GRIK1: variants seen among roughly 807,000 people sequenced by gnomAD.
The protein encoded by GRIK1 is glutamate receptor ionotropic, kainate 1.
A neutral mutation model predicts 105.7 loss-of-function variants in GRIK1; 69 were observed. That is an observed-to-expected ratio of 0.65 (90% CI 0.54 to 0.80). GRIK1 has a LOEUF of 0.80. GRIK1 is among the 30% of genes least tolerant of loss of function. The pLI is 0.00. For synonymous variants in GRIK1, 438 were observed against 431.3 expected (o/e 1.02, Z -0.19); for missense variants, 1,109 against 1,167.3 (o/e 0.95, Z 0.73).
rs530208679 is a variant in GRIK1 at position 29,895,382 on chromosome 21, C to T, written c.118+44001G>A. On this transcript the variant is annotated intron_variant, in intron 1 of 17. Transcript: ENST00000327783. ...AATCCTTGAGAATCACACCTTTTAA[C>T]TCACAGTTCATTGCACTTTCCCCCT... Among the ~76,000 whole-genome samples, 4 of 152,318 alleles carry T rather than the reference C, an allele frequency of 2.6e-5. No individual in the cohort carries two copies. The South Asian group carries it at 8.3e-4, about 32-fold the overall frequency.
intron 1 of GRIK1, among the ~76,000 whole-genome samples, chr21:29,931,166 T>C (rs997253803): frequency 1.3e-5 from 2 of 152,200 alleles, no homozygotes; most frequent in African/African-American, 4.8e-5. Flanking sequence ...TCAGTCTTTA[T>C]TCAGAGTCCT....
At chr21:29,689,658 C>A in intron 3 of GRIK1, 70 bp downstream of exon 3, 2 of 1,373,772 alleles carry the variant, frequency 1.5e-6, no homozygotes, top group Non-Finnish European at 2.1e-6. Flanking sequence ...AGTTTAATGA[C>A]TATTTGATAC....
chr21:29,830,215 G>A (rs1409540393), intron 1 of GRIK1, among the ~76,000 whole-genome samples: 1 of 151,980 alleles, frequency 6.6e-6, no homozygotes, highest in African/African-American at 2.4e-5. Context: ...GTTTGTATGT[G>A]TGTGAGAGTG....
At chr21:29,638,566 T>C (rs550769306) in intron 7 of GRIK1, among the ~76,000 whole-genome samples, 1 of 152,350 alleles carries the variant, frequency 6.6e-6, no homozygotes, top group South Asian at 2.1e-4. Context: ...TACTTTGTGA[T>C]GTTAGAATAT....
At chr21:29,723,687 T>C (rs1382114196) in intron 1 of GRIK1, among the ~76,000 whole-genome samples, 1 of 152,208 alleles carries the variant, frequency 6.6e-6, no homozygotes, top group African/African-American at 2.4e-5. Context: ...TCACAATTAA[T>C]GCATATGGAA....
chr21:29,584,558 G>A (rs1039829862), intron 12 of GRIK1, among the ~76,000 whole-genome samples: 1 of 152,082 alleles, frequency 6.6e-6, no homozygotes, highest in African/African-American at 2.4e-5. Context: ...TTGTCCCACC[G>A]ATGTCTACAT....
chr21:29,895,067 G>A (rs2070080575), intron 1 of GRIK1, among the ~76,000 whole-genome samples: 1 of 152,134 alleles, frequency 6.6e-6, no homozygotes, highest in African/African-American at 2.4e-5. Flanking sequence ...TAGTGGTGGT[G>A]GCAGGGGGCT....
chr21:29,804,981 C>A (rs955029332), intron 1 of GRIK1, among the ~76,000 whole-genome samples: 5 of 152,092 alleles, frequency 3.3e-5, no homozygotes, highest in African/African-American at 1.2e-4. Flanking sequence ...CTCTTAAAGG[C>A]AAGCTGATGT....
At chr21:29,822,067 T>C (rs1020315224) in intron 1 of GRIK1, among the ~76,000 whole-genome samples, 11 of 152,200 alleles carry the variant, frequency 7.2e-5, no homozygotes, top group Non-Finnish European at 1.6e-4. Flanking sequence ...AGGTAGTTTT[T>C]AAAATTTGAG....
At chr21:29,765,857 C>CTT (rs113142690) in intron 1 of GRIK1, among the ~76,000 whole-genome samples, 20,368 of 146,512 alleles carry the variant, frequency 0.14, 1,532 homozygotes, top group Non-Finnish European at 0.18. Flanking sequence ...GAAAATTCTT[C>CTT]TTTTTTTTTT....
At chr21:29,594,967 A>T (rs2061383463) in intron 9 of GRIK1, among the ~76,000 whole-genome samples, 1 of 152,112 alleles carries the variant, frequency 6.6e-6, no homozygotes, top group Non-Finnish European at 1.5e-5. Context: ...ATGAAGGTGA[A>T]TTTTTGTTTA....
chr21:29,730,845 T>C (rs560702470), intron 1 of GRIK1, among the ~76,000 whole-genome samples: 2 of 152,268 alleles, frequency 1.3e-5, no homozygotes, highest in South Asian at 4.1e-4. Context: ...AAAAATTCAT[T>C]AAAAATGAAA....
chr21:29,921,057 TA>T (rs1437645742), intron 1 of GRIK1, among the ~76,000 whole-genome samples: 1 of 152,148 alleles, frequency 6.6e-6, no homozygotes, highest in African/African-American at 2.4e-5. Flanking sequence ...CTGGGCTGGT[TA>T]GTTCCCTGTT....
intron 1 of GRIK1, among the ~76,000 whole-genome samples, chr21:29,710,462 G>T (rs2064017716): frequency 6.6e-6 from 1 of 152,114 alleles, no homozygotes; most frequent in African/African-American, 2.4e-5. Context: ...ACTAATCAGT[G>T]TGACTGTGTA....
intron 3 of GRIK1, among the ~76,000 whole-genome samples, chr21:29,689,047 C>T (rs1272710970): frequency 1.3e-5 from 2 of 151,700 alleles, no homozygotes; most frequent in Non-Finnish European, 2.9e-5. Context: ...CACTGCCTGA[C>T]TTTAAATAAA....
At chr21:29,631,098 G>A (rs1175030725) in intron 7 of GRIK1, among the ~76,000 whole-genome samples, 2 of 152,104 alleles carry the variant, frequency 1.3e-5, no homozygotes, top group Non-Finnish European at 2.9e-5. Context: ...CTGAGCTACT[G>A]CACCTAGCCA....
At chr21:29,714,842 G>C (rs2064140805) in intron 1 of GRIK1, among the ~76,000 whole-genome samples, 2 of 152,122 alleles carry the variant, frequency 1.3e-5, no homozygotes, top group South Asian at 4.1e-4. Context: ...CTTACTAAAT[G>C]GGGATGATAA....
intron 1 of GRIK1, among the ~76,000 whole-genome samples, chr21:29,910,995 A>G (rs1161733774): frequency 2.0e-5 from 3 of 152,100 alleles, no homozygotes; most frequent in Non-Finnish European, 4.4e-5. Flanking sequence ...TTTTAAAACT[A>G]TATTAAGTGC....
intron 1 of GRIK1, among the ~76,000 whole-genome samples, chr21:29,935,307 T>C (rs1407835614): frequency 6.6e-6 from 1 of 152,204 alleles, no homozygotes; most frequent in Non-Finnish European, 1.5e-5. Flanking sequence ...TAGATTGCAA[T>C]TGCCAGAATG....
Sources: gnomAD v4.1 joint callset for allele counts (sites outside exome capture counted in the v4.1 genomes callset) on GRCh38, gnomAD v4.1.1 for gene constraint, MANE v1.5 for transcripts, NCBI Gene and HGNC (gene_info 2026-07-23, HGNC 2026-07-21) for gene names.